Variants in RFX3 observed in about 807,000 individuals in gnomAD.
RFX3 encodes the protein regulatory factor X3, also known as transcription factor RFX3.
Under a neutral mutation model 98.6 loss-of-function variants are expected in RFX3, and 14 were observed. The observed-to-expected ratio is 0.14, with a 90% CI of 0.09 to 0.22. The LOEUF is 0.22. RFX3 is among the 10% of genes least tolerant of loss of function. The probability of loss-of-function intolerance (pLI) is 1.00; values close to 1 mark genes in which losing one functional copy is unlikely to be tolerated. For synonymous variants in RFX3, 383 were observed against 328.4 expected, an observed-to-expected ratio of 1.17 and a Z score of -1.80; for missense variants, 639 against 926.9, an observed-to-expected ratio of 0.69 and a Z score of 4.03.
At chr9:3,472,196 G>T (rs1014430166) in intron 1 of RFX3, among the ~76,000 whole-genome samples, 2 of 152,210 alleles carry the variant, frequency 1.3e-5, no homozygotes, top group Non-Finnish European at 1.5e-5. Flanking sequence ...GAAGAGGGAA[G>T]TTTTTGAAAG....
intron 3 of RFX3, among the ~76,000 whole-genome samples, chr9:3,335,033 C>T (rs1398142840): frequency 6.6e-6 from 1 of 151,978 alleles, no homozygotes; most frequent in African/African-American, 2.4e-5. Flanking sequence ...GCAGGAGAAT[C>T]GCTTGAACCT....
chr9:3,249,907 CTACTT>C (rs1821161706), intron 14 of RFX3, among the ~76,000 whole-genome samples: 1 of 151,906 alleles, frequency 6.6e-6, no homozygotes, highest in African/African-American at 2.4e-5. Context: ...TTAGAGTTGA[CTACTT>C]TAACGAATTC....
intron 1 of RFX3, among the ~76,000 whole-genome samples, chr9:3,451,082 G>A (rs768587738): frequency 3.3e-5 from 5 of 152,190 alleles, no homozygotes; most frequent in South Asian, 2.1e-4. Flanking sequence ...AAAGCGAAGC[G>A]CTCAAAATAG....
intron 2 of RFX3, among the ~76,000 whole-genome samples, chr9:3,348,031 T>C (rs1372891664): frequency 6.6e-6 from 1 of 152,194 alleles, no homozygotes; most frequent in Non-Finnish European, 1.5e-5. Flanking sequence ...TTTTTCAAAG[T>C]AAGATCCAAA....
chr9:3,525,842 AGTT>A lies in RFX3; in HGVS notation c.-107_-105del, dbSNP rs937288828. ...AGAGGAGGAGGAGGAGGAGAGGAGT[AGTT>A]GTTGTTGATGGGTAACAGTCGCCAG... On this transcript the variant is annotated 5_prime_UTR_variant, in exon 1 of 17. Transcript: ENST00000617270. The A allele has an allele frequency of 8.9e-5, 87 of 980,516 alleles. No individual in the cohort carries two copies. The highest frequency in any genetic ancestry group is 5.1e-4 in the Middle Eastern group (1 of 1,954). The allele number at this position is 980,516 out of a possible 1,614,324, so 60.7% of individuals were successfully genotyped here. A position where few individuals can be genotyped will look rare whatever the true frequency, so the allele number is the denominator to read the frequency against.
At chr9:3,347,548 G>T (rs1380106761) in intron 2 of RFX3, among the ~76,000 whole-genome samples, 1 of 152,040 alleles carries the variant, frequency 6.6e-6, no homozygotes, top group African/African-American at 2.4e-5. Flanking sequence ...AGAAGGCCGG[G>T]TGCGGTGGCT....
chr9:3,488,090 C>T (rs867522693), intron 1 of RFX3, among the ~76,000 whole-genome samples: 20 of 152,098 alleles, frequency 1.3e-4, no homozygotes, highest in African/African-American at 4.3e-4. Context: ...CTACCACTCC[C>T]GTTCCCAAGA....
chr9:3,295,735 G>C (rs1266264136), intron 5 of RFX3, among the ~76,000 whole-genome samples: 1 of 151,946 alleles, frequency 6.6e-6, no homozygotes, highest in African/African-American at 2.4e-5. Flanking sequence ...TCTGAGTAAA[G>C]AACTCAATAT....
intron 7 of RFX3, 81 bp downstream of exon 7, chr9:3,288,050 G>C (rs1826869352): frequency 1.6e-6 from 2 of 1,273,662 alleles, no homozygotes; most frequent in East Asian, 4.7e-5. Flanking sequence ...TTTATACTTA[G>C]GTATTTGTTC....
At chr9:3,244,778 A>ATTTTCCCTTTGTTTGTTTAATT (rs1159885246) in intron 15 of RFX3, among the ~76,000 whole-genome samples, 2 of 152,170 alleles carry the variant, frequency 1.3e-5, no homozygotes, top group Non-Finnish European at 2.9e-5. Context: ...TTTTCCTTCA[A>ATTTTCCCTTTGTTTGTTTAATT]AGCACTTAAC....
At chr9:3,262,892 G>A (rs1168000302) in intron 13 of RFX3, 43 bp downstream of exon 13, 4 of 1,591,196 alleles carry the variant, frequency 2.5e-6, no homozygotes, top group Non-Finnish European at 3.4e-6. Flanking sequence ...AACAAATTGG[G>A]TATCTTTCCT....
At chr9:3,368,169 T>C (rs913856557) in intron 2 of RFX3, among the ~76,000 whole-genome samples, 2 of 152,178 alleles carry the variant, frequency 1.3e-5, no homozygotes, top group Non-Finnish European at 2.9e-5. Context: ...AAACTTATCA[T>C]ACTCTAAGAA....
intron 14 of RFX3, among the ~76,000 whole-genome samples, chr9:3,254,895 A>C (rs538818048): frequency 2.6e-5 from 4 of 152,348 alleles, no homozygotes; most frequent in African/African-American, 9.6e-5. Context: ...TCACTGATGC[A>C]TACTAGTGGG....
chr9:3,346,856 A>G (rs1225832553), intron 2 of RFX3, 92 bp from the exon 3 acceptor site: 2 of 773,750 alleles, frequency 2.6e-6, no homozygotes, highest in African/African-American at 3.4e-5. Context: ...ATCCGGTATT[A>G]TTGATAAATT....
In RFX3 at chr9:3,235,009, G is replaced by T. The variant is rs183868489; in HGVS notation, c.1969-6120C>A. Among the ~76,000 whole-genome samples, 8 of 152,194 alleles carry T rather than the reference G, an allele frequency of 5.3e-5. No homozygotes were observed. The East Asian group carries it at 1.3e-3, about 26-fold the overall frequency. Reference sequence around the variant, plus strand: ...AGAAAAATCATCTTCCTCCACTTTCGCTGGGTACTTGCATATACAGGCAAA... The same window carrying T: ...AGAAAAATCATCTTCCTCCACTTTCTCTGGGTACTTGCATATACAGGCAAA... On this transcript the variant is annotated intron_variant, in intron 15 of 16. Coordinates refer to ENST00000617270, the MANE Select transcript of RFX3 (RefSeq NM_001282116.2).
Position 3,388,738 on chromosome 9 carries a change from C to A in RFX3, c.117+6734G>T, listed in dbSNP as rs534043896. Among the ~76,000 whole-genome samples, 4 of 152,156 alleles carry A rather than the reference C, an allele frequency of 2.6e-5. No homozygotes were observed. In the East Asian group the frequency reaches 7.7e-4, roughly 29 times the overall value. On this transcript the variant is annotated intron_variant, in intron 2 of 16. Transcript: ENST00000617270. ...CCTTAGCAGGAAAAGGTAAAGACTA[C>A]AATTTCTAATCATAAAAAAATTTCA...
chr9:3,247,521 T>C, intron 15 of RFX3: 1 of 875,252 alleles, frequency 1.1e-6, no homozygotes, highest in African/African-American at 1.8e-5. Flanking sequence ...TTAAGTGCTT[T>C]ATTACATGTA....
chr9:3,399,296 C>G (rs1180082929), intron 1 of RFX3, among the ~76,000 whole-genome samples: 1 of 142,870 alleles, frequency 7.0e-6, no homozygotes, highest in African/African-American at 2.7e-5. Flanking sequence ...AAAAAAAAAT[C>G]AGCTGGTCAT....
intron 2 of RFX3, among the ~76,000 whole-genome samples, chr9:3,388,280 T>C (rs1839932561): frequency 6.6e-6 from 1 of 152,140 alleles, no homozygotes; most frequent in African/African-American, 2.4e-5. Context: ...ATTTTGTAGA[T>C]ACCCAAAATA....
Sources: allele counts gnomAD v4.1 joint callset (sites outside exome capture counted in the v4.1 genomes callset), GRCh38; gene constraint gnomAD v4.1.1; transcripts MANE v1.5; gene names NCBI Gene and HGNC (gene_info 2026-07-23, HGNC 2026-07-21).